Variants in NAA16 observed in about 807,000 individuals in gnomAD.
The protein encoded by NAA16 is NARG1-like protein.
In NAA16, 97 loss-of-function variants were observed where a neutral mutation model predicts 110.3. The observed-to-expected ratio is 0.88, with a 90% confidence interval of 0.75 to 1.04. The LOEUF (loss-of-function observed/expected upper bound fraction) is 1.04, where lower values mean the gene tolerates loss of function less well. Ranked by LOEUF, NAA16 falls within the 50% of genes least tolerant of loss-of-function variation. NAA16 has a pLI of 0.00. For synonymous variants in NAA16, 372 were observed against 330.6 expected, an observed-to-expected ratio of 1.13 and a Z score of -1.36; for missense variants, 1,017 against 1,005.1, an observed-to-expected ratio of 1.01 and a Z score of -0.16.
intron 6 of NAA16, among the ~76,000 whole-genome samples, chr13:41,328,211 A>G (rs1195819154): frequency 6.6e-6 from 1 of 152,110 alleles, no homozygotes; most frequent in Non-Finnish European, 1.5e-5. Context: ...CTGTACATGA[A>G]CATGGCTTGT....
rs184283824 is a variant in NAA16, at chr13:41,369,413, G to A, written c.1947+130G>A. ...ATATTTCAAGGTTTTTATAATAGCC[G>A]TCAATTATCTTTGAGTGACAGTATA... is the stretch of plus-strand genomic sequence containing the variant. On this transcript the variant is annotated intron_variant, in intron 15 of 19. Coordinates refer to ENST00000379406, the MANE Select transcript of NAA16 (RefSeq NM_024561.5). 1.8e-3 allele frequency: 1,662 copies of A among 945,626 alleles called. 1 individual carries two copies. The highest frequency in any genetic ancestry group is 2.2e-3 in the Non-Finnish European group (1,459 of 674,850). The allele number at this position is 945,626 out of a possible 1,614,324, so 58.6% of individuals were successfully genotyped here.
intron 10 of NAA16, 66 bp from the exon 11 acceptor site, chr13:41,358,235 TAGG>T (rs1178617854): frequency 9.1e-6 from 12 of 1,314,140 alleles, no homozygotes; most frequent in Middle Eastern, 1.8e-4. Context: ...CATTATGAAT[TAGG>T]AGAGAGAAAA....
At chr13:41,363,799 A>G (rs1012214128) in intron 13 of NAA16, among the ~76,000 whole-genome samples, 1 of 152,170 alleles carries the variant, frequency 6.6e-6, no homozygotes, top group African/African-American at 2.4e-5. Context: ...AGGGTTTACT[A>G]TTAACATTTG....
intron 1 of NAA16, among the ~76,000 whole-genome samples, chr13:41,312,366 T>A (rs148234476): frequency 1.3e-5 from 2 of 152,304 alleles, no homozygotes; most frequent in Admixed American, 1.3e-4. Context: ...CCCGTAGTGA[T>A]GACCGCTGCG....
chr13:41,343,246 C>T lies in NAA16; in HGVS notation c.1014+6490C>T, dbSNP rs540549235. On this transcript the variant is annotated intron_variant, in intron 9 of 19. Transcript: ENST00000379406. The stretch of plus-strand genomic sequence containing the variant: ...CAGCCTCTTGAGTAGACGCGTGCCA[C>T]GATGCCTAGTTAATTTTTTAATTTG... 4.6e-5 allele frequency among the ~76,000 whole-genome samples: 7 copies of T among 151,600 alleles called. No individual in the cohort carries two copies. The South Asian group carries it at 1.3e-3, about 27-fold the overall frequency.
chr13:41,311,645 G>T, intron 1 of NAA16, 63 bp downstream of exon 1: 2 of 1,497,712 alleles, frequency 1.3e-6, no homozygotes, highest in Non-Finnish European at 1.8e-6. Context: ...TTAAGGGCAA[G>T]CGGTCTGGCG....
chr13:41,339,488 A>G (rs182203305), intron 9 of NAA16, among the ~76,000 whole-genome samples: 198 of 152,172 alleles, frequency 1.3e-3, no homozygotes, highest in Middle Eastern at 0.01. Context: ...TTGGCAAACT[A>G]GAGTTTGGGT....
chr13:41,364,243 G>A (rs1443682957), intron 13 of NAA16, among the ~76,000 whole-genome samples: 1 of 152,084 alleles, frequency 6.6e-6, no homozygotes, highest in Non-Finnish European at 1.5e-5. Context: ...TCAAATAAGG[G>A]TTAGGTCTTT....
chr13:41,327,432 A>G (rs1291243458), intron 6 of NAA16, among the ~76,000 whole-genome samples: 1 of 147,678 alleles, frequency 6.8e-6, no homozygotes, highest in Admixed American at 6.9e-5. Flanking sequence ...CATTCAATAT[A>G]ATCCATATGT....
At chr13:41,362,680 T>A (rs1049497191) in intron 13 of NAA16, 5 of 1,288,214 alleles carry the variant, frequency 3.9e-6, no homozygotes, top group African/African-American at 1.5e-5. Flanking sequence ...AGGGGACTTT[T>A]CTTTTCCTTT....
chr13:41,338,878 T>G (rs12585382), intron 9 of NAA16, among the ~76,000 whole-genome samples: 1 of 151,884 alleles, frequency 6.6e-6, no homozygotes, highest in Non-Finnish European at 1.5e-5. Flanking sequence ...CAGTGTGCAC[T>G]GCACCCCAGG....
At chr13:41,365,262 G>A (rs2043187116) in intron 13 of NAA16, among the ~76,000 whole-genome samples, 1 of 152,026 alleles carries the variant, frequency 6.6e-6, no homozygotes, top group South Asian at 2.1e-4. Flanking sequence ...TGTTTCTTAG[G>A]GTAGTGGTTA....
intron 9 of NAA16, among the ~76,000 whole-genome samples, chr13:41,342,486 G>T (rs1192319800): frequency 6.6e-6 from 1 of 152,116 alleles, no homozygotes; most frequent in Non-Finnish European, 1.5e-5. Context: ...CTATAAAATA[G>T]TGTCCATTTC....
At chr13:41,341,861 T>G in intron 9 of NAA16, among the ~76,000 whole-genome samples, 1 of 149,804 alleles carries the variant, frequency 6.7e-6, no homozygotes. Context: ...AGACGGAGTC[T>G]CACTCTGTCG....
At chr13:41,354,162 C>T (rs943297183) in intron 9 of NAA16, among the ~76,000 whole-genome samples, 5 of 152,092 alleles carry the variant, frequency 3.3e-5, no homozygotes, top group Non-Finnish European at 5.9e-5. Context: ...GAGATCCTGC[C>T]GTATACTGCA....
At chr13:41,311,940 C>T (rs554143457) in intron 1 of NAA16, among the ~76,000 whole-genome samples, 2 of 152,366 alleles carry the variant, frequency 1.3e-5, no homozygotes, top group African/African-American at 2.4e-5. Flanking sequence ...AGGGATCCTC[C>T]CCCGGTGGTT....
chr13:41,365,785 AT>A (rs1238395592), intron 13 of NAA16, among the ~76,000 whole-genome samples: 2 of 152,194 alleles, frequency 1.3e-5, no homozygotes, highest in African/African-American at 2.4e-5. Flanking sequence ...TGGCTTAAAT[AT>A]TTGTGGTTAC....
chr13:41,348,248 A>G lies in NAA16; in HGVS notation c.1015-6896A>G, dbSNP rs188410941. Among the ~76,000 whole-genome samples the G allele has an allele frequency of 5.0e-4, 76 of 152,112 alleles. No individual in the cohort carries two copies. In the East Asian group the frequency reaches 0.013, roughly 26 times the overall value. On this transcript the variant is annotated intron_variant, in intron 9 of 19. Coordinates refer to ENST00000379406, the MANE Select transcript of NAA16 (RefSeq NM_024561.5). ...AGTGGCACAATCTCGGCTCACTGCA[A>G]CCTCCACCTCGCGGGTTCAAGCTAT...
intron 8 of NAA16, among the ~76,000 whole-genome samples, chr13:41,332,384 AGG>A (rs1211837578): frequency 6.6e-6 from 1 of 152,204 alleles, no homozygotes; most frequent in Non-Finnish European, 1.5e-5. Flanking sequence ...TTATATAAAT[AGG>A]AGTACTCCGG....
Sources: gnomAD v4.1 joint callset for allele counts (sites outside exome capture counted in the v4.1 genomes callset) on GRCh38, gnomAD v4.1.1 for gene constraint, MANE v1.5 for transcripts, NCBI Gene and HGNC (gene_info 2026-07-23, HGNC 2026-07-21) for gene names.